Variants in SAMD5 observed in about 807,000 individuals in gnomAD.
SAMD5 encodes the protein sterile alpha motif domain containing 5.
Under a neutral mutation model 11.3 loss-of-function variants are expected in SAMD5, and 13 were observed. The ratio of observed to expected loss-of-function variants is 1.15; its 90% CI spans 0.75 to 1.83. SAMD5 has a LOEUF of 1.83. SAMD5 is among the 40% of genes most tolerant of loss of function. The probability of loss-of-function intolerance (pLI) is 0.00; values close to 1 mark genes in which losing one functional copy is unlikely to be tolerated. For synonymous variants in SAMD5, 129 were observed against 111.3 expected (o/e 1.16, Z -1.00); for missense variants, 255 against 239.1 (o/e 1.07, Z -0.44).
intron 1 of SAMD5, among the ~76,000 whole-genome samples, chr6:147,704,220 C>A (rs1009292304): frequency 6.6e-6 from 1 of 152,018 alleles, no homozygotes; most frequent in African/African-American, 2.4e-5. Flanking sequence ...TTAGTTGAAA[C>A]ACCTTAGTTT....
the SAMD5 span, among the ~76,000 whole-genome samples, chr6:147,908,325 G>A: frequency 6.6e-6 from 1 of 152,120 alleles, no homozygotes; most frequent in Non-Finnish European, 1.5e-5. Context: ...AGAATCCAAC[G>A]GAACAGGAAT....
the SAMD5 span, among the ~76,000 whole-genome samples, chr6:147,883,898 G>A: frequency 6.6e-6 from 1 of 152,110 alleles, no homozygotes; most frequent in Non-Finnish European, 1.5e-5. Context: ...TATTAAATCT[G>A]CGTTATTAAA....
At chr6:147,683,837 G>T (rs1473322516) in intron 1 of SAMD5, among the ~76,000 whole-genome samples, 1 of 152,108 alleles carries the variant, frequency 6.6e-6, no homozygotes, top group African/African-American at 2.4e-5. Context: ...AAGCACTTCA[G>T]GTATCTTCAG....
intron 1 of SAMD5, among the ~76,000 whole-genome samples, chr6:147,728,987 G>A (rs1299969604): frequency 2.6e-5 from 4 of 152,202 alleles, no homozygotes; most frequent in Admixed American, 6.5e-5. Flanking sequence ...TACAAACTGG[G>A]TGGACTAAAA....
the SAMD5 span, among the ~76,000 whole-genome samples, chr6:147,837,887 G>C: frequency 6.6e-6 from 1 of 152,102 alleles, no homozygotes; most frequent in South Asian, 2.1e-4. Flanking sequence ...CTAAACATGA[G>C]AGGCCAAATT....
At chr6:147,941,477 A>G in the SAMD5 span, among the ~76,000 whole-genome samples, 1 of 152,208 alleles carries the variant, frequency 6.6e-6, no homozygotes, top group Non-Finnish European at 1.5e-5. Context: ...GTTTAACATC[A>G]TGGAGGCTTT....
the SAMD5 span, among the ~76,000 whole-genome samples, chr6:147,748,006 A>T: frequency 1.3e-5 from 2 of 152,216 alleles, no homozygotes; most frequent in African/African-American, 4.8e-5. Context: ...ACTTAGTCAC[A>T]GTAGACAAGT....
the SAMD5 span, among the ~76,000 whole-genome samples, chr6:147,857,608 T>A: frequency 6.7e-6 from 1 of 149,584 alleles, no homozygotes; most frequent in African/African-American, 2.6e-5. Flanking sequence ...ATAGGTAGGT[T>A]TACTGTACTT....
intron 1 of SAMD5, among the ~76,000 whole-genome samples, chr6:147,551,293 A>G (rs568350647): frequency 1.3e-5 from 2 of 152,354 alleles, no homozygotes; most frequent in East Asian, 3.9e-4. Flanking sequence ...GGGTCTTAAA[A>G]TAATCTAGCT....
At chr6:147,878,030 G>A in the SAMD5 span, among the ~76,000 whole-genome samples, 1 of 151,516 alleles carries the variant, frequency 6.6e-6, no homozygotes, top group African/African-American at 2.4e-5. Flanking sequence ...GCTTACTGCA[G>A]CCTCCCAAAG....
chr6:147,712,196 T>A (rs1219473857), intron 1 of SAMD5, among the ~76,000 whole-genome samples: 2 of 152,210 alleles, frequency 1.3e-5, no homozygotes, highest in Non-Finnish European at 2.9e-5. Flanking sequence ...ATGTAAAGTT[T>A]CAGCCAAGCA....
the SAMD5 span, among the ~76,000 whole-genome samples, chr6:147,746,737 A>C: frequency 6.6e-6 from 1 of 152,200 alleles, no homozygotes; most frequent in Non-Finnish European, 1.5e-5. Context: ...GATTTCAAAA[A>C]CTATGGGTTG....
At chr6:147,679,290 G>A (rs1468114255) in intron 1 of SAMD5, among the ~76,000 whole-genome samples, 1 of 152,122 alleles carries the variant, frequency 6.6e-6, no homozygotes. Context: ...TGAGAGTTCA[G>A]TAGCTTTACA....
chr6:147,946,839 A>T, the SAMD5 span, among the ~76,000 whole-genome samples: 4 of 152,362 alleles, frequency 2.6e-5, no homozygotes, highest in East Asian at 1.9e-4. Context: ...AATTATCAAC[A>T]TTCAACACTT....
chr6:147,761,444 G>T, the SAMD5 span, among the ~76,000 whole-genome samples: 1 of 151,978 alleles, frequency 6.6e-6, no homozygotes, highest in East Asian at 1.9e-4. Context: ...AACAAGATAT[G>T]GGCTTTGATA....
chr6:147,715,145 C>T (rs1157360227), intron 1 of SAMD5, among the ~76,000 whole-genome samples: 1 of 151,980 alleles, frequency 6.6e-6, no homozygotes, highest in Admixed American at 6.5e-5. Flanking sequence ...GCTAGTGGTG[C>T]CTTTGCCCAA....
the SAMD5 span, among the ~76,000 whole-genome samples, chr6:147,947,923 G>A: frequency 2.0e-4 from 31 of 151,762 alleles, 1 homozygote; most frequent in East Asian, 5.6e-3. Flanking sequence ...TGCTACTTAC[G>A]TATACTGTGT....
chr6:147,568,392 A>T lies in SAMD5; in HGVS notation c.*3936A>T. 1 of 984,948 alleles carries T rather than the reference A, an allele frequency of 1.0e-6. No homozygotes were observed. Among genetic ancestry groups the T allele is most frequent in the Non-Finnish European group, 1.2e-6 (1 of 829,464 alleles). The allele number at this position is 984,948 out of a possible 1,614,324, so 61.0% of individuals were successfully genotyped here. ...CATAATTAAAATGCTTGGACAAAAC[A>T]TTTGCTTTATATAGATTCTTACAAG... On this transcript the variant is annotated 3_prime_UTR_variant, in exon 2 of 2. Coordinates refer to ENST00000367474, the MANE Select transcript of SAMD5 (RefSeq NM_001030060.3).
At chr6:147,936,447 G>A in the SAMD5 span, among the ~76,000 whole-genome samples, 17 of 151,874 alleles carry the variant, frequency 1.1e-4, no homozygotes, top group African/African-American at 3.4e-4. Context: ...GAGGGGCAGT[G>A]GTGGGGGAGG....
Sources: gnomAD v4.1 joint callset for allele counts (sites outside exome capture counted in the v4.1 genomes callset) on GRCh38, gnomAD v4.1.1 for gene constraint, MANE v1.5 for transcripts, NCBI Gene and HGNC (gene_info 2026-07-23, HGNC 2026-07-21) for gene names.